Variants in CTNNA2 observed in about 807,000 individuals in gnomAD.
The protein encoded by CTNNA2 is catenin alpha-2.
Under a neutral mutation model 101.0 loss-of-function variants are expected in CTNNA2, and 42 were observed. The ratio of observed to expected loss-of-function variants is 0.42; its 90% CI spans 0.32 to 0.54. The LOEUF is 0.54. Among genes scored for constraint, CTNNA2 ranks in the 20% least tolerant of loss-of-function variants. CTNNA2 has a pLI of 0.14. For synonymous variants in CTNNA2, 450 were observed against 456.4 expected (o/e 0.99, Z 0.18); for missense variants, 871 against 1,223.1 (o/e 0.71, Z 4.29).
intron 7 of CTNNA2, among the ~76,000 whole-genome samples, chr2:79,930,326 AAGAAAGAAAGAAAGAAAG>A (rs1687345047): frequency 1.4e-5 from 2 of 144,914 alleles, no homozygotes; most frequent in Admixed American, 6.8e-5. Flanking sequence ...GAAAGAAAGA[AAGAAAGAAAGAAAGAAAG>A]AAAGAAAGAA....
At chr2:79,471,289 C>T (rs1221958030) in intron 4 of CTNNA2, among the ~76,000 whole-genome samples, 1 of 152,152 alleles carries the variant, frequency 6.6e-6, no homozygotes, top group African/African-American at 2.4e-5. Flanking sequence ...ATTAAAAATA[C>T]TATAGTCTTA....
chr2:79,818,986 T>C (rs987846517), intron 3 of CTNNA2, among the ~76,000 whole-genome samples: 37 of 149,074 alleles, frequency 2.5e-4, no homozygotes, highest in African/African-American at 9.1e-4. Context: ...TTCTTTTTTT[T>C]TTTTTTTAAT....
chr2:80,579,996 C>T (rs1424472699), intron 13 of CTNNA2, among the ~76,000 whole-genome samples: 1 of 152,230 alleles, frequency 6.6e-6, no homozygotes, highest in Non-Finnish European at 1.5e-5. Flanking sequence ...GGAAGACCAT[C>T]ACCTGTCAGG....
At chr2:80,556,914 T>C (rs958478264) in intron 12 of CTNNA2, among the ~76,000 whole-genome samples, 6 of 152,208 alleles carry the variant, frequency 3.9e-5, no homozygotes, top group Non-Finnish European at 7.3e-5. Flanking sequence ...ATTTTTAAAA[T>C]AGCCATCTCT....
chr2:79,517,768 T>C (rs1671883706), intron 1 of CTNNA2, among the ~76,000 whole-genome samples: 1 of 152,340 alleles, frequency 6.6e-6, no homozygotes, highest in South Asian at 2.1e-4. Flanking sequence ...TTACAAAACA[T>C]AGTGATAGTC....
chr2:79,871,967 C>G (rs573385859), intron 5 of CTNNA2, among the ~76,000 whole-genome samples: 1 of 152,234 alleles, frequency 6.6e-6, no homozygotes, highest in East Asian at 1.9e-4. Flanking sequence ...CAGACTCTTT[C>G]AAGAAAATTT....
intron 7 of CTNNA2, among the ~76,000 whole-genome samples, chr2:80,052,349 G>A (rs1696928445): frequency 6.6e-6 from 1 of 152,168 alleles, no homozygotes; most frequent in African/African-American, 2.4e-5. Flanking sequence ...GGCTTGCCCA[G>A]CCACATGCAC....
chr2:80,465,939 T>C (rs1413562581), intron 9 of CTNNA2, among the ~76,000 whole-genome samples: 3 of 152,202 alleles, frequency 2.0e-5, no homozygotes, highest in African/African-American at 7.2e-5. Context: ...GAAATAATAG[T>C]GTGTCTCACA....
intron 9 of CTNNA2, among the ~76,000 whole-genome samples, chr2:80,469,558 T>A (rs1005562592): frequency 2.0e-5 from 3 of 152,200 alleles, no homozygotes; most frequent in Admixed American, 6.5e-5. Context: ...TAGGTACTAG[T>A]AGCTTTCTTG....
chr2:80,461,916 G>A (rs1684461925), intron 9 of CTNNA2, among the ~76,000 whole-genome samples: 1 of 152,202 alleles, frequency 6.6e-6, no homozygotes, highest in Admixed American at 6.5e-5. Flanking sequence ...AGCTATGCAA[G>A]TTGTCAGCAA....
At chr2:80,596,846 T>C (rs1458538750) in intron 15 of CTNNA2, among the ~76,000 whole-genome samples, 1 of 152,166 alleles carries the variant, frequency 6.6e-6, no homozygotes, top group African/African-American at 2.4e-5. Flanking sequence ...GGTATGGGTT[T>C]GTCATAAATA....
intron 2 of CTNNA2, among the ~76,000 whole-genome samples, chr2:79,680,948 A>T (rs1440995233): frequency 6.6e-6 from 1 of 152,196 alleles, no homozygotes; most frequent in Non-Finnish European, 1.5e-5. Context: ...CAGCAACAGG[A>T]GACTGAAGGA....
chr2:79,619,403 C>T (rs536532854), intron 1 of CTNNA2, among the ~76,000 whole-genome samples: 2 of 152,284 alleles, frequency 1.3e-5, no homozygotes, highest in South Asian at 4.1e-4. Flanking sequence ...AGCATGACAT[C>T]CAGTTACACT....
chr2:80,181,336 C>T (rs1705764831), intron 7 of CTNNA2, among the ~76,000 whole-genome samples: 1 of 152,156 alleles, frequency 6.6e-6, no homozygotes, highest in African/African-American at 2.4e-5. Context: ...GGTGGGAAGG[C>T]TGTTTCCTCT....
intron 2 of CTNNA2, among the ~76,000 whole-genome samples, chr2:79,266,464 C>G (rs762861618): frequency 2.1e-4 from 32 of 152,184 alleles, no homozygotes; most frequent in Non-Finnish European, 4.6e-4. Flanking sequence ...TACTTATCTA[C>G]TGATATTTCC....
intron 7 of CTNNA2, among the ~76,000 whole-genome samples, chr2:79,997,370 AAAG>A (rs1274618163): frequency 3.3e-5 from 5 of 152,118 alleles, no homozygotes; most frequent in Non-Finnish European, 7.4e-5. Context: ...AGAAAAAAGA[AAAG>A]AAGAAAAAGA....
At chr2:79,395,525 A>T (rs1678220584) in intron 4 of CTNNA2, among the ~76,000 whole-genome samples, 1 of 152,094 alleles carries the variant, frequency 6.6e-6, no homozygotes, top group Non-Finnish European at 1.5e-5. Context: ...AGAAGAGAAA[A>T]TTTTTGAATG....
chr2:79,434,205 G>A (rs188835778), intron 4 of CTNNA2, among the ~76,000 whole-genome samples: 9 of 151,306 alleles, frequency 5.9e-5, no homozygotes, highest in Admixed American at 5.9e-4. Context: ...GACTGAGGTA[G>A]GAGGATCACC....
intron 6 of CTNNA2, among the ~76,000 whole-genome samples, chr2:79,895,250 C>G (rs1574252908): frequency 6.6e-6 from 1 of 152,280 alleles, no homozygotes; most frequent in East Asian, 1.9e-4. Context: ...ACACATTATT[C>G]CTGTGAGACA....
Sources: gnomAD v4.1 joint callset for allele counts (sites outside exome capture counted in the v4.1 genomes callset) on GRCh38, gnomAD v4.1.1 for gene constraint, MANE v1.5 for transcripts, NCBI Gene and HGNC (gene_info 2026-07-23, HGNC 2026-07-21) for gene names.